RORC: variants seen among roughly 807,000 people sequenced by gnomAD.
The protein encoded by RORC is RAR related orphan receptor C.
Under a neutral mutation model 64.5 loss-of-function variants are expected in RORC, and 13 were observed. That is an observed-to-expected ratio of 0.20 (90% CI 0.13 to 0.32). The LOEUF (loss-of-function observed/expected upper bound fraction) is 0.32. Ranked by LOEUF, RORC falls within the 10% of genes least tolerant of loss-of-function variation. RORC has a pLI of 1.00. For synonymous variants in RORC, 277 were observed against 259.3 expected (o/e 1.07, Z -0.65); for missense variants, 468 against 669.5 (o/e 0.70, Z 3.32).
chr1:151,819,814 G>A (rs1366284184), intron 2 of RORC, among the ~76,000 whole-genome samples: 2 of 152,020 alleles, frequency 1.3e-5, no homozygotes, highest in African/African-American at 4.8e-5. Flanking sequence ...GACCCCCTTC[G>A]CAAATACCCA....
chr1:151,829,608 C>G lies in RORC; in HGVS notation c.41-150G>C, dbSNP rs1652331264. The stretch of plus-strand genomic sequence containing the variant: ...GCAGGCCACCCCCTGCAGTGCCCCT[C>G]TCTCCTCCTCTGCCCTTGGGCCACA... On this transcript the variant is annotated intron_variant, in intron 1 of 10. Transcript: ENST00000318247. 7.9e-6 allele frequency: 5 copies of G among 632,344 alleles called. No individual in the cohort carries two copies. The East Asian group carries it at 1.3e-4, about 16-fold the overall frequency. 39.2% of individuals were successfully genotyped at this position (632,344 alleles called of 1,614,324 possible).
At chr1:151,831,091 C>T (rs968663765) in intron 1 of RORC, 1 of 1,288,928 alleles carries the variant, frequency 7.8e-7, no homozygotes, top group Non-Finnish European at 1.0e-6. Flanking sequence ...GACGGCCTGA[C>T]ATTCTGTCCT....
At position 151,830,659 on chromosome 1, in the gene RORC, C is replaced by T. The variant is rs4995918; in HGVS notation, c.40+1066G>A. 0.019 allele frequency among the ~76,000 whole-genome samples: 2,596 copies of T among 138,992 alleles called. 128 individuals carry two copies. Among genetic ancestry groups the T allele is most frequent in the African/African-American group, 0.056 (2,085 of 37,442 alleles). The allele number at this position is 138,992 out of a possible 152,430, so 91.2% of individuals were successfully genotyped here. A position where few individuals can be genotyped will look rare whatever the true frequency, so the allele number is the denominator to read the frequency against. ...ACACACACACACACACACACACACA[C>T]ACAGTGCCCTTCTGCCCGGGAGATG... On this transcript the variant is annotated intron_variant, in intron 1 of 10. Transcript: ENST00000318247. This position sits in a 1 kb window ranked among gnomAD's most constrained non-coding sequence, Gnocchi z 4.0.
intron 4 of RORC, among the ~76,000 whole-genome samples, chr1:151,816,097 C>CA (rs1466694576): frequency 3.3e-5 from 5 of 152,198 alleles, no homozygotes; most frequent in African/African-American, 1.2e-4. Context: ...CCTCATGCCC[C>CA]CCCAGCTCCA....
intron 2 of RORC, among the ~76,000 whole-genome samples, chr1:151,828,485 C>T (rs1431812141): frequency 2.6e-5 from 4 of 152,162 alleles, no homozygotes; most frequent in Non-Finnish European, 5.9e-5. Flanking sequence ...ACTGGGAAGT[C>T]CTCTCTGAGC....
intron 2 of RORC, among the ~76,000 whole-genome samples, chr1:151,820,312 A>T (rs572112652): frequency 3.9e-5 from 6 of 152,168 alleles, no homozygotes; most frequent in Non-Finnish European, 8.8e-5. Flanking sequence ...ACCTCTGATG[A>T]TAACTCACCT....
intron 3 of RORC, 120 bp from the exon 4 acceptor site, chr1:151,816,925 C>G (rs896094313): frequency 1.5e-5 from 16 of 1,098,944 alleles, no homozygotes; most frequent in Non-Finnish European, 2.0e-5. Context: ...TCAGTTTTCT[C>G]TCTCCTCCAT....
At chr1:151,817,514 C>G (rs113229369) in intron 2 of RORC, among the ~76,000 whole-genome samples, 2,030 of 152,148 alleles carry the variant, frequency 0.013, 48 homozygotes, top group African/African-American at 0.043. Flanking sequence ...GAGGGGTGGC[C>G]GGGAGTTGTA....
At chr1:151,824,910 T>A (rs1262388153) in intron 2 of RORC, among the ~76,000 whole-genome samples, 1 of 152,228 alleles carries the variant, frequency 6.6e-6, no homozygotes, top group African/African-American at 2.4e-5. Flanking sequence ...TTTCCAGGAC[T>A]CAATACGGCC....
At chr1:151,831,221 C>G in intron 1 of RORC, 1 of 796,084 alleles carries the variant, frequency 1.3e-6, no homozygotes, top group Non-Finnish European at 1.7e-6. Context: ...GTGTGGTTCC[C>G]CCTGCCACAC....
intron 2 of RORC, among the ~76,000 whole-genome samples, chr1:151,819,869 C>A (rs1651917545): frequency 6.6e-6 from 1 of 152,106 alleles, no homozygotes; most frequent in South Asian, 2.1e-4. Flanking sequence ...ACCTGGTCAG[C>A]CCATCCTCCA....
intron 2 of RORC, among the ~76,000 whole-genome samples, chr1:151,825,413 T>C (rs1652153638): frequency 2.0e-5 from 3 of 152,196 alleles, no homozygotes; most frequent in Admixed American, 1.3e-4. Context: ...GGGGATTCTG[T>C]GCCCTGCTGC....
Position 151,813,823 on chromosome 1 carries a change from G to A in RORC, c.934-203C>T, listed in dbSNP as rs569400175. Reference sequence around the variant, plus strand: ...ACACACTGAGCACCTACCGGCTGCTGACACCGAGTTAGCTGTTGTGAGGGA... The same window carrying A: ...ACACACTGAGCACCTACCGGCTGCTAACACCGAGTTAGCTGTTGTGAGGGA... On this transcript the variant is annotated intron_variant, in intron 6 of 10. Transcript: ENST00000318247. 6.0e-4 allele frequency: 350 copies of A among 586,018 alleles called. 5 individuals are homozygous for A. In the South Asian group the frequency reaches 7.5e-3, roughly 13 times the overall value. The allele number at this position is 586,018 out of a possible 1,614,324, so 36.3% of individuals were successfully genotyped here. A position where few individuals can be genotyped will look rare whatever the true frequency, so the allele number is the denominator to read the frequency against.
At chr1:151,816,610 C>A (rs1232021472) in intron 4 of RORC, 54 bp downstream of exon 4, 3 of 1,527,592 alleles carry the variant, frequency 2.0e-6, no homozygotes, top group Non-Finnish European at 2.6e-6. Flanking sequence ...GCAGGCCAGG[C>A]TGCCCCTCTG....
intron 4 of RORC, 30 bp from the exon 5 acceptor site, chr1:151,815,455 T>C (rs1017737996): frequency 6.6e-7 from 1 of 1,514,764 alleles, no homozygotes; most frequent in Non-Finnish European, 8.8e-7. Context: ...CAGGGGTTTA[T>C]GAGGCAGGAG....
intron 2 of RORC, among the ~76,000 whole-genome samples, chr1:151,824,495 C>T (rs897760940): frequency 5.9e-5 from 9 of 152,218 alleles, no homozygotes; most frequent in African/African-American, 1.9e-4. Flanking sequence ...AGAAGGGAAA[C>T]GGAAGCTCCA....
intron 10 of RORC, among the ~76,000 whole-genome samples, chr1:151,808,322 AG>A (rs1262657179): frequency 1.3e-5 from 2 of 152,250 alleles, no homozygotes; most frequent in African/African-American, 2.4e-5. Flanking sequence ...ACTCAGCCAA[AG>A]GGGAGATGAA....
rs771257039 is a variant in RORC, at chr1:151,814,713, A to C, written c.812-18T>G. 1.3e-6 allele frequency: 2 copies of C among 1,599,628 alleles called. No homozygotes were observed. Among genetic ancestry groups the C allele is most frequent in the Non-Finnish European group, 1.7e-6 (2 of 1,169,164 alleles). On this transcript the variant is annotated intron_variant, in intron 5 of 10. Coordinates refer to ENST00000318247, the MANE Select transcript of RORC (RefSeq NM_005060.4). ...CAGGTGCTCTGGGGCCGGAGAAGGA[A>C]GGCATGGCTTGATCTCAGCCAGCTC...
At chr1:151,821,565 C>A (rs1007723569) in intron 2 of RORC, among the ~76,000 whole-genome samples, 5 of 152,198 alleles carry the variant, frequency 3.3e-5, no homozygotes, top group Admixed American at 1.3e-4. Flanking sequence ...CTAGTATCAT[C>A]CTCATCTTAC....
Sources: gnomAD v4.1 joint callset for allele counts (sites outside exome capture counted in the v4.1 genomes callset) on GRCh38, gnomAD v4.1.1 for gene constraint, Gnocchi (gnomAD v3.1) non-coding constraint, MANE v1.5 for transcripts, NCBI Gene and HGNC (gene_info 2026-07-23, HGNC 2026-07-21) for gene names.